LRMDA: variants seen among roughly 807,000 people sequenced by gnomAD.
LRMDA encodes leucine rich melanocyte differentiation associated.
In LRMDA, 18 loss-of-function variants were observed where a neutral mutation model predicts 29.8. The observed-to-expected ratio is 0.60, with a 90% CI of 0.42 to 0.90. The LOEUF is 0.90. LRMDA is among the 40% of genes least tolerant of loss of function. LRMDA has a pLI of 0.00. For synonymous variants in LRMDA, 125 were observed against 109.4 expected (o/e 1.14, Z -0.89); for missense variants, 273 against 273.9 (o/e 1.00, Z 0.02).
chr10:75,517,099 A>G lies in LRMDA; in HGVS notation c.131+78605A>G, dbSNP rs532976426. On this transcript the variant is annotated intron_variant, in intron 2 of 6. Transcript: ENST00000611255. ...CCAGTACCATGCTGTTTTGGTTACT[A>G]TAGCCTTGTAGTATAGTTTGAAGTC... Among the ~76,000 whole-genome samples the G allele has an allele frequency of 1.3e-3, 204 of 152,134 alleles. 1 individual carries two copies. Among genetic ancestry groups the G allele is most frequent in the Non-Finnish European group, 2.4e-3 (164 of 67,978 alleles).
chr10:76,372,830 A>G (rs1173020872), intron 6 of LRMDA, among the ~76,000 whole-genome samples: 1 of 151,894 alleles, frequency 6.6e-6, no homozygotes, highest in African/African-American at 2.4e-5. Flanking sequence ...GATTCCTATT[A>G]TTTTGTGGCT....
At chr10:75,575,995 C>T (rs567082637) in intron 2 of LRMDA, among the ~76,000 whole-genome samples, 6 of 150,530 alleles carry the variant, frequency 4.0e-5, no homozygotes, top group East Asian at 3.9e-4. Context: ...TCCTCAGTGG[C>T]GCCTGGAATG....
chr10:76,493,922 A>G (rs1296492869), intron 6 of LRMDA, among the ~76,000 whole-genome samples: 1 of 152,022 alleles, frequency 6.6e-6, no homozygotes, highest in Non-Finnish European at 1.5e-5. Flanking sequence ...TTGTTTATAA[A>G]TTGATCCCTT....
intron 6 of LRMDA, among the ~76,000 whole-genome samples, chr10:76,542,324 CA>C (rs1479956818): frequency 2.0e-5 from 3 of 151,854 alleles, no homozygotes; most frequent in African/African-American, 7.3e-5. Flanking sequence ...TATGGCCGCT[CA>C]ATTTTTTTTG....
intron 2 of LRMDA, among the ~76,000 whole-genome samples, chr10:75,781,592 A>G (rs1843384273): frequency 6.6e-6 from 1 of 152,166 alleles, no homozygotes; most frequent in Non-Finnish European, 1.5e-5. Flanking sequence ...ATTTGTTCTC[A>G]TTGTAACACA....
intron 2 of LRMDA, among the ~76,000 whole-genome samples, chr10:75,560,177 C>T (rs1840272260): frequency 6.6e-6 from 1 of 151,830 alleles, no homozygotes; most frequent in Admixed American, 6.6e-5. Context: ...ATGGAATGTT[C>T]TTCCATTTGT....
intron 6 of LRMDA, among the ~76,000 whole-genome samples, chr10:76,424,777 C>G (rs540390502): frequency 6.6e-6 from 1 of 152,136 alleles, no homozygotes. Flanking sequence ...GATTTTCAAC[C>G]CAGTTTGTTG....
chr10:75,704,697 T>C (rs147217271), intron 2 of LRMDA, among the ~76,000 whole-genome samples: 8 of 152,212 alleles, frequency 5.3e-5, no homozygotes, highest in African/African-American at 1.9e-4. Flanking sequence ...TTCTACTGCA[T>C]GGAAACCAGT....
At chr10:76,124,138 C>T (rs1241911031) in intron 5 of LRMDA, among the ~76,000 whole-genome samples, 4 of 152,186 alleles carry the variant, frequency 2.6e-5, no homozygotes, top group Admixed American at 6.5e-5. Context: ...TACTATTTGT[C>T]GCTTCTGCCA....
At chr10:75,434,977 CCAGA>C (rs1222478720) in intron 1 of LRMDA, among the ~76,000 whole-genome samples, 32 of 152,348 alleles carry the variant, frequency 2.1e-4, no homozygotes, top group African/African-American at 6.0e-4. Flanking sequence ...GGGACCCCTT[CCAGA>C]CACTCTCCTT....
chr10:76,350,896 C>T (rs1564517114), intron 6 of LRMDA, among the ~76,000 whole-genome samples: 2 of 152,078 alleles, frequency 1.3e-5, no homozygotes. Flanking sequence ...ATGAAACCAC[C>T]TCGTTAATTT....
At chr10:75,616,246 CAGT>C (rs1841097585) in intron 2 of LRMDA, among the ~76,000 whole-genome samples, 3 of 149,374 alleles carry the variant, frequency 2.0e-5, no homozygotes, top group African/African-American at 7.6e-5. Context: ...GCAGTAGCAG[CAGT>C]AGCAGCAGCA....
chr10:76,147,083 G>T (rs1370244293), intron 5 of LRMDA, among the ~76,000 whole-genome samples: 1 of 152,138 alleles, frequency 6.6e-6, no homozygotes, highest in Non-Finnish European at 1.5e-5. Context: ...TCCCTTTGTG[G>T]GTAACCCGAC....
At chr10:76,459,069 G>T (rs1260358248) in intron 6 of LRMDA, among the ~76,000 whole-genome samples, 1 of 152,108 alleles carries the variant, frequency 6.6e-6, no homozygotes, top group Non-Finnish European at 1.5e-5. Context: ...TTCAGATTTG[G>T]TATGATTCAA....
chr10:76,290,411 C>CTTTTTTTTTTTTTTTT (rs11321369), intron 5 of LRMDA, among the ~76,000 whole-genome samples: 1 of 76,732 alleles, frequency 1.3e-5, no homozygotes, highest in Non-Finnish European at 2.3e-5. Flanking sequence ...TTTATTTTCT[C>CTTTTTTTTTTTTTTTT]TTTTTTTTTT....
chr10:76,222,803 A>G (rs1325515826), intron 5 of LRMDA, among the ~76,000 whole-genome samples: 1 of 152,202 alleles, frequency 6.6e-6, no homozygotes, highest in African/African-American at 2.4e-5. Context: ...GCTGCTATAA[A>G]GACACATGCA....
At chr10:75,631,223 T>TA (rs1841317702) in intron 2 of LRMDA, among the ~76,000 whole-genome samples, 1 of 152,138 alleles carries the variant, frequency 6.6e-6, no homozygotes, top group Non-Finnish European at 1.5e-5. Flanking sequence ...CAAGACCTCG[T>TA]ACTCCTCACC....
At chr10:76,238,731 A>G (rs1376542398) in intron 5 of LRMDA, among the ~76,000 whole-genome samples, 1 of 124,054 alleles carries the variant, frequency 8.1e-6, no homozygotes, top group Admixed American at 9.2e-5. Flanking sequence ...AATAATTGTG[A>G]TGATGATGAT....
chr10:76,513,857 G>A (rs1312914895), intron 6 of LRMDA, among the ~76,000 whole-genome samples: 1 of 152,188 alleles, frequency 6.6e-6, no homozygotes, highest in Non-Finnish European at 1.5e-5. Context: ...TAGGAGTGTA[G>A]ACCTCAGTAT....
Sources: allele counts gnomAD v4.1 joint callset (sites outside exome capture counted in the v4.1 genomes callset), GRCh38; gene constraint gnomAD v4.1.1; transcripts MANE v1.5; gene names NCBI Gene and HGNC (gene_info 2026-07-23, HGNC 2026-07-21).